Variants in CTNNA3 observed in about 807,000 individuals in gnomAD.
CTNNA3 encodes catenin alpha-3.
Under a neutral mutation model 95.7 loss-of-function variants are expected in CTNNA3, and 76 were observed. That is an observed-to-expected ratio of 0.79 (90% confidence interval 0.66 to 0.96). CTNNA3 has a LOEUF of 0.96. Ranked by LOEUF, CTNNA3 falls within the 40% of genes least tolerant of loss-of-function variation. The pLI is 0.00. For synonymous variants in CTNNA3, 431 were observed against 374.4 expected (o/e 1.15, Z -1.74); for missense variants, 1,191 against 1,089.8 (o/e 1.09, Z -1.31).
At chr10:66,377,016 C>T (rs1203601834) in intron 12 of CTNNA3, among the ~76,000 whole-genome samples, 1 of 152,112 alleles carries the variant, frequency 6.6e-6, no homozygotes, top group African/African-American at 2.4e-5. Context: ...TAAGATCAAA[C>T]TGATCTAATT....
chr10:65,951,431 G>A (rs961724618), intron 17 of CTNNA3, among the ~76,000 whole-genome samples: 1 of 152,094 alleles, frequency 6.6e-6, no homozygotes, highest in African/African-American at 2.4e-5. Flanking sequence ...ATAGCCTCAT[G>A]TTAGCTTCTC....
chr10:66,435,125 T>C (rs2093327637), intron 11 of CTNNA3, among the ~76,000 whole-genome samples: 1 of 152,186 alleles, frequency 6.6e-6, no homozygotes, highest in South Asian at 2.1e-4. Flanking sequence ...GTTGTGTTTC[T>C]GCCAGGTTTT....
chr10:66,446,579 G>T (rs2093423391), intron 11 of CTNNA3, among the ~76,000 whole-genome samples: 1 of 151,824 alleles, frequency 6.6e-6, no homozygotes, highest in African/African-American at 2.4e-5. Flanking sequence ...AAAACCACAT[G>T]ATTATCTCAA....
At chr10:67,258,501 T>C (rs1180703511) in intron 5 of CTNNA3, among the ~76,000 whole-genome samples, 1 of 152,162 alleles carries the variant, frequency 6.6e-6, no homozygotes, top group Non-Finnish European at 1.5e-5. Flanking sequence ...AAAGTAACAA[T>C]TTATAGTTTT....
chr10:66,353,769 C>T (rs1008019951), intron 12 of CTNNA3, among the ~76,000 whole-genome samples: 1 of 151,744 alleles, frequency 6.6e-6, no homozygotes, highest in Non-Finnish European at 1.5e-5. Context: ...GATTAATCAA[C>T]CCAGGGATAG....
chr10:66,804,771 T>A (rs1244066568), intron 7 of CTNNA3, among the ~76,000 whole-genome samples: 1 of 152,104 alleles, frequency 6.6e-6, no homozygotes, highest in Admixed American at 6.6e-5. Flanking sequence ...AGTTAGAAAT[T>A]GGCTCTATTT....
chr10:67,304,874 A>G (rs1396057310), intron 5 of CTNNA3, among the ~76,000 whole-genome samples: 3 of 152,032 alleles, frequency 2.0e-5, no homozygotes, highest in Non-Finnish European at 4.4e-5. Flanking sequence ...ACATCCCAGA[A>G]CTATGACCTA....
rs543220040 is a variant in CTNNA3 at position 67,490,128 on chromosome 10, T to A, written c.579+31714A>T. Among the ~76,000 whole-genome samples the A allele has an allele frequency of 3.9e-4, 59 of 152,336 alleles. 2 individuals carry two copies. In the South Asian group the frequency reaches 0.012, roughly 30 times the overall value. ...ATCTGAATTCATCCAAGAGTGAAAC[T>A]GATGCGAAATCTCATCTTCTATTTC... On this transcript the variant is annotated intron_variant, in intron 5 of 17. Transcript: ENST00000433211.
intron 5 of CTNNA3, among the ~76,000 whole-genome samples, chr10:67,514,406 T>A (rs529724855): frequency 2.0e-5 from 3 of 152,350 alleles, no homozygotes; most frequent in Admixed American, 1.3e-4. Flanking sequence ...ATTTGCATCT[T>A]AAACCACCAA....
intron 7 of CTNNA3, among the ~76,000 whole-genome samples, chr10:66,986,908 A>T (rs1850758859): frequency 6.6e-6 from 1 of 152,148 alleles, no homozygotes; most frequent in East Asian, 1.9e-4. Flanking sequence ...AATAGCCAAA[A>T]ATCACTGTCT....
At chr10:66,943,544 T>C (rs1283797876) in intron 7 of CTNNA3, among the ~76,000 whole-genome samples, 1 of 151,906 alleles carries the variant, frequency 6.6e-6, no homozygotes, top group East Asian at 1.9e-4. Context: ...AGTATTAGCA[T>C]TGGCTTCCAG....
chr10:67,613,631 C>A (rs950149066), intron 2 of CTNNA3, among the ~76,000 whole-genome samples: 2 of 127,494 alleles, frequency 1.6e-5, no homozygotes, highest in East Asian at 1.9e-4. Flanking sequence ...CTTTTTTTGC[C>A]CCCCCCAACA....
At chr10:67,731,961 T>C (rs1312172180) in intron 1 of CTNNA3, among the ~76,000 whole-genome samples, 1 of 152,066 alleles carries the variant, frequency 6.6e-6, no homozygotes, top group East Asian at 1.9e-4. Context: ...TTTGTAGTTT[T>C]AGTAGAGACG....
At chr10:67,424,141 G>A (rs1195970407) in intron 5 of CTNNA3, among the ~76,000 whole-genome samples, 2 of 152,104 alleles carry the variant, frequency 1.3e-5, no homozygotes, top group Admixed American at 1.3e-4. Flanking sequence ...TTATCTGTAG[G>A]TGTGCGACTG....
intron 5 of CTNNA3, among the ~76,000 whole-genome samples, chr10:67,302,673 A>C (rs911270736): frequency 2.6e-5 from 4 of 152,188 alleles, no homozygotes; most frequent in African/African-American, 9.7e-5. Flanking sequence ...CACCAGTGAT[A>C]ATCTGAGTAA....
At chr10:66,050,350 T>A (rs78301535) in intron 15 of CTNNA3, among the ~76,000 whole-genome samples, 4 of 148,022 alleles carry the variant, frequency 2.7e-5, no homozygotes, top group African/African-American at 5.0e-5. Context: ...AAAAAAAAAA[T>A]AGCACCAATA....
chr10:67,322,991 A>G (rs1395735877), intron 5 of CTNNA3, among the ~76,000 whole-genome samples: 1 of 152,108 alleles, frequency 6.6e-6, no homozygotes, highest in Admixed American at 6.5e-5. Flanking sequence ...GCTTTTTTTC[A>G]TATGATTCTT....
At position 66,069,324 on chromosome 10, in the gene CTNNA3, T is replaced by G. The variant is rs761047309; in HGVS notation, c.2143A>C (p.Met715Leu). ...AKNMCMIMME[M>L]TDFTRGKGPL... is the part of the protein sequence containing the mutation. ...CATAATTACCTAGTGAAGTCTGTCATCTCCATCATGATCATACACATGTTC... is the reference window on the plus strand; with the variant it reads ...CATAATTACCTAGTGAAGTCTGTCAGCTCCATCATGATCATACACATGTTC... The change falls in exon 15 of 18, where the codon ATG (methionine) becomes CTG (leucine). Residue 715 changes from methionine to leucine, a missense_variant. Physicochemically the swap from Met to Leu is conservative, Grantham distance 15. Transcript: ENST00000433211. 6.2e-6 allele frequency: 10 copies of G among 1,613,362 alleles called. No individual in the cohort carries two copies.
At chr10:66,543,909 GTGTATATATATATATATA>G (rs1841953197) in intron 10 of CTNNA3, among the ~76,000 whole-genome samples, 3 of 9,700 alleles carry the variant, frequency 3.1e-4, no homozygotes, top group African/African-American at 5.5e-4. Flanking sequence ...ATGTGTGTGT[GTGTATATATATATATATA>G]TATATATATA....
Sources: allele counts gnomAD v4.1 joint callset (sites outside exome capture counted in the v4.1 genomes callset), GRCh38; gene constraint gnomAD v4.1.1; transcripts MANE v1.5; gene names NCBI Gene and HGNC (gene_info 2026-07-23, HGNC 2026-07-21).